Variants in PRKCA observed in about 807,000 individuals in gnomAD.
PRKCA encodes protein kinase C alpha type.
PRKCA carries 27 observed loss-of-function variants against 87.0 expected under a neutral mutation model. The observed-to-expected ratio is 0.31, with a 90% CI of 0.23 to 0.43. The LOEUF is 0.43. Among genes scored for constraint, PRKCA ranks in the 20% least tolerant of loss-of-function variants. The pLI is 1.00. For missense variants in PRKCA, 518 were observed against 852.3 expected, an observed-to-expected ratio of 0.61 and a Z score of 4.88; for synonymous variants, 329 against 311.1, an observed-to-expected ratio of 1.06 and a Z score of -0.61.
intron 3 of PRKCA, among the ~76,000 whole-genome samples, chr17:66,508,228 G>A (rs570807857): frequency 7.2e-5 from 11 of 152,282 alleles, no homozygotes; most frequent in Admixed American, 3.3e-4. Flanking sequence ...ACAGTGGGAA[G>A]GTCCATTCTA....
intron 13 of PRKCA, among the ~76,000 whole-genome samples, chr17:66,747,951 G>T (rs988406595): frequency 1.3e-5 from 2 of 152,246 alleles, no homozygotes; most frequent in African/African-American, 4.8e-5. Context: ...GAGCCCAGAG[G>T]AGAGCTGGGA....
At chr17:66,560,650 C>G (rs1462023236) in intron 3 of PRKCA, among the ~76,000 whole-genome samples, 2 of 152,100 alleles carry the variant, frequency 1.3e-5, no homozygotes, top group South Asian at 4.2e-4. Context: ...GATAATGTAC[C>G]AAACACTTTG....
chr17:66,591,514 T>G (rs1459637733), intron 3 of PRKCA, among the ~76,000 whole-genome samples: 1 of 152,118 alleles, frequency 6.6e-6, no homozygotes, highest in African/African-American at 2.4e-5. Context: ...AAAAGAATCA[T>G]TCCCTCAGCC....
chr17:66,358,384 G>A (rs1393428675), intron 2 of PRKCA, among the ~76,000 whole-genome samples: 3 of 152,128 alleles, frequency 2.0e-5, no homozygotes, highest in Admixed American at 6.5e-5. Context: ...TGCATAATGT[G>A]TAAGTCCTTA....
intron 2 of PRKCA, among the ~76,000 whole-genome samples, chr17:66,477,093 C>T (rs1426830854): frequency 1.3e-5 from 2 of 152,112 alleles, no homozygotes; most frequent in Non-Finnish European, 2.9e-5. Context: ...CCTACCAGGA[C>T]GAGGGGCTTC....
chr17:66,791,006 A>G (rs561774911), intron 16 of PRKCA, among the ~76,000 whole-genome samples: 1 of 140,912 alleles, frequency 7.1e-6, no homozygotes, highest in African/African-American at 2.6e-5. Context: ...TTTTTTTTTT[A>G]AATTATTATA....
At chr17:66,705,107 C>A (rs977284553) in intron 8 of PRKCA, among the ~76,000 whole-genome samples, 12 of 152,188 alleles carry the variant, frequency 7.9e-5, no homozygotes, top group African/African-American at 2.9e-4. Context: ...CCCCAATATG[C>A]TCTCTGCTTT....
At chr17:66,485,733 C>T (rs959498400) in intron 2 of PRKCA, among the ~76,000 whole-genome samples, 1 of 152,108 alleles carries the variant, frequency 6.6e-6, no homozygotes, top group African/African-American at 2.4e-5. Context: ...AAGTCCTGTT[C>T]CACTACACTG....
chr17:66,797,080 G>A, intron 16 of PRKCA: 3 of 807,112 alleles, frequency 3.7e-6, no homozygotes, highest in Non-Finnish European at 4.5e-6. Flanking sequence ...CTACATGACT[G>A]AGACGCCGAG....
At chr17:66,452,214 T>C (rs959005177) in intron 2 of PRKCA, among the ~76,000 whole-genome samples, 8 of 152,210 alleles carry the variant, frequency 5.3e-5, no homozygotes, top group Non-Finnish European at 7.3e-5. Flanking sequence ...TGTTCCTTTC[T>C]TTTTATTTGG....
chr17:66,399,451 A>G (rs1024309582), intron 2 of PRKCA, among the ~76,000 whole-genome samples: 1 of 152,190 alleles, frequency 6.6e-6, no homozygotes, highest in Non-Finnish European at 1.5e-5. Flanking sequence ...TAATCTATAC[A>G]AAAAACTGTG....
At chr17:66,505,866 AT>A (rs11327474) in intron 3 of PRKCA, among the ~76,000 whole-genome samples, 81,629 of 151,938 alleles carry the variant, frequency 0.54, 24,007 homozygotes, top group Middle Eastern at 0.67. Context: ...TTATTTACTT[AT>A]TTTGAATTTT....
intron 2 of PRKCA, among the ~76,000 whole-genome samples, chr17:66,407,920 A>C (rs1237470563): frequency 6.6e-6 from 1 of 152,226 alleles, no homozygotes; most frequent in African/African-American, 2.4e-5. Context: ...GAAATAACAG[A>C]TAAGCAGTTT....
At chr17:66,485,734 C>T (rs990588576) in intron 2 of PRKCA, among the ~76,000 whole-genome samples, 1 of 152,070 alleles carries the variant, frequency 6.6e-6, no homozygotes, top group Admixed American at 6.6e-5. Context: ...AGTCCTGTTC[C>T]ACTACACTGA....
chr17:66,768,175 C>T (rs1231604742), intron 13 of PRKCA, among the ~76,000 whole-genome samples: 1 of 151,864 alleles, frequency 6.6e-6, no homozygotes, highest in Admixed American at 6.6e-5. Flanking sequence ...AACTCCTGAC[C>T]TCAAGTGATC....
chr17:66,781,868 G>GAGAGATATATATATATAT (rs1491546533), intron 14 of PRKCA, among the ~76,000 whole-genome samples: 38 of 99,302 alleles, frequency 3.8e-4, no homozygotes, highest in African/African-American at 1.4e-3. Flanking sequence ...GAGAGAGAGA[G>GAGAGATATATATATATAT]ATATATATAT....
chr17:66,505,031 T>C (rs1404818935), intron 3 of PRKCA, among the ~76,000 whole-genome samples: 1 of 152,230 alleles, frequency 6.6e-6, no homozygotes, highest in Admixed American at 6.5e-5. Context: ...CTTCACTTGC[T>C]GTGATGCCAC....
chr17:66,503,272 A>G (rs1255447955), intron 3 of PRKCA, among the ~76,000 whole-genome samples: 2 of 151,952 alleles, frequency 1.3e-5, no homozygotes, highest in Admixed American at 6.6e-5. Flanking sequence ...TTCCCACAGT[A>G]TTTTGCACGT....
rs376359706 is a variant in PRKCA at position 66,711,739 on chromosome 17, C to T, written c.919-20949C>T. Among the ~76,000 whole-genome samples, 10 of 152,226 alleles carry T rather than the reference C, an allele frequency of 6.6e-5. No individual in the cohort carries two copies. In the East Asian group the frequency reaches 7.7e-4, roughly 12 times the overall value. ...TTGCAAGGGGAGAAACCCTACTCCC[C>T]GACCCCAAGCTGGAATCCACATCTA... On this transcript the variant is annotated intron_variant, in intron 8 of 16. Coordinates refer to ENST00000413366, the MANE Select transcript of PRKCA (RefSeq NM_002737.3).
Sources: gnomAD v4.1 joint callset for allele counts (sites outside exome capture counted in the v4.1 genomes callset) on GRCh38, gnomAD v4.1.1 for gene constraint, MANE v1.5 for transcripts, NCBI Gene and HGNC (gene_info 2026-07-23, HGNC 2026-07-21) for gene names.